The following RARB variants were observed in gnomAD, a reference collection of about 807,000 sequenced individuals.
RARB encodes the protein HBV-activated protein.
A neutral mutation model predicts 51.9 loss-of-function variants in RARB; 17 were observed. The ratio of observed to expected loss-of-function variants is 0.33; its 90% CI spans 0.22 to 0.49. The LOEUF (loss-of-function observed/expected upper bound fraction) is 0.49, where lower values mean the gene tolerates loss of function less well. Ranked by LOEUF, RARB falls within the 20% of genes least tolerant of loss-of-function variation. RARB has a pLI of 0.99. For synonymous variants in RARB, 215 were observed against 195.4 expected (o/e 1.10, Z -0.84); for missense variants, 369 against 550.8 (o/e 0.67, Z 3.30).
chr3:25,397,385 G>A (rs1216411775), intron 5 of RARB, among the ~76,000 whole-genome samples: 2 of 152,074 alleles, frequency 1.3e-5, no homozygotes, highest in South Asian at 2.1e-4. Flanking sequence ...AGAGTTTTTC[G>A]GCTGTCCCAC....
At chr3:25,056,414 A>G (rs549692221) in intron 2 of RARB, among the ~76,000 whole-genome samples, 1 of 152,292 alleles carries the variant, frequency 6.6e-6, no homozygotes, top group South Asian at 2.1e-4. Flanking sequence ...CCAGTAGCCT[A>G]TCAGTTTGCA....
chr3:25,330,862 A>C (rs927668217), intron 5 of RARB, among the ~76,000 whole-genome samples: 2 of 152,220 alleles, frequency 1.3e-5, no homozygotes, highest in Non-Finnish European at 2.9e-5. Context: ...CAAAAAAAGC[A>C]GGGGTTGTAA....
In RARB at chr3:25,214,589, G is replaced by C. The variant is rs1378434866; in HGVS notation, c.178+40014G>C. Among the ~76,000 whole-genome samples, 7 of 152,154 alleles carry C rather than the reference G, an allele frequency of 4.6e-5. No individual in the cohort carries two copies. The South Asian group carries it at 1.4e-3, about 31-fold the overall frequency. ...GGACTGCAGAAGAAATTTTCCTACT[G>C]TAAGAATCCTCAATATTTTAACAGG... On this transcript the variant is annotated intron_variant, in intron 5 of 11. Coordinates refer to the RARB transcript ENST00000383772.
chr3:25,263,174 C>G (rs1028400966), intron 5 of RARB, among the ~76,000 whole-genome samples: 3 of 152,242 alleles, frequency 2.0e-5, no homozygotes, highest in East Asian at 3.9e-4. Context: ...TTGCACTGGT[C>G]TGCTTGCTCT....
At chr3:25,462,780 TG>T (rs1457049976) in intron 2 of RARB, among the ~76,000 whole-genome samples, 4 of 152,206 alleles carry the variant, frequency 2.6e-5, no homozygotes, top group Non-Finnish European at 4.4e-5. Flanking sequence ...GACTGTGGGC[TG>T]GGGAGACTCA....
At chr3:25,171,637 G>A (rs1421066003) in intron 4 of RARB, among the ~76,000 whole-genome samples, 19 of 1,908 alleles carry the variant, frequency 1.0e-2, no homozygotes, top group Non-Finnish European at 0.021. Flanking sequence ...ACCAGTCCCT[G>A]GTTGGTAAAA....
At chr3:24,896,769 G>C (rs1213210382) in intron 2 of RARB, among the ~76,000 whole-genome samples, 2 of 152,174 alleles carry the variant, frequency 1.3e-5, no homozygotes, top group Non-Finnish European at 2.9e-5. Context: ...ATAGGCTAGA[G>C]AGTTGTGTTT....
chr3:25,194,232 G>A (rs1464156635), intron 5 of RARB, among the ~76,000 whole-genome samples: 1 of 81,342 alleles, frequency 1.2e-5, no homozygotes, highest in East Asian at 3.6e-4. Flanking sequence ...TAGAATGGTG[G>A]TTACCAGGGT....
intron 2 of RARB, among the ~76,000 whole-genome samples, chr3:24,884,044 A>G (rs141859101): frequency 9.1e-4 from 138 of 152,252 alleles, no homozygotes; most frequent in African/African-American, 2.8e-3. Context: ...CCTGACACCA[A>G]CGATTTTGTT....
At position 25,593,499 on chromosome 3, in the gene RARB, C is replaced by T; in HGVS notation, c.787-4C>T. The T allele has an allele frequency of 1.9e-6, 3 of 1,604,138 alleles. No homozygotes were observed. Among genetic ancestry groups the T allele is most frequent in the Admixed American group, 1.7e-5 (1 of 57,306 alleles). On this transcript the variant is annotated splice_polypyrimidine_tract_variant and splice_region_variant and intron_variant, in intron 5 of 7. Transcript: ENST00000330688. ...AACATCCATCAATTTTTTTTTCCTT[C>T]CAGATTCTTAGAATTTGCACCAGGT...
At chr3:25,392,114 G>C (rs932160807) in intron 5 of RARB, among the ~76,000 whole-genome samples, 2 of 152,096 alleles carry the variant, frequency 1.3e-5, no homozygotes, top group Admixed American at 6.5e-5. Context: ...CATGTGGCTT[G>C]CCAATTTTCT....
intron 3 of RARB, among the ~76,000 whole-genome samples, chr3:25,511,548 G>C (rs765681456): frequency 4.6e-5 from 7 of 152,136 alleles, no homozygotes; most frequent in Non-Finnish European, 8.8e-5. Flanking sequence ...AATCAATTGA[G>C]ACAGAAATCG....
At chr3:25,261,750 C>G (rs1432350993) in intron 5 of RARB, among the ~76,000 whole-genome samples, 2 of 152,118 alleles carry the variant, frequency 1.3e-5, no homozygotes, top group Non-Finnish European at 2.9e-5. Flanking sequence ...TCCCTGGTCA[C>G]CTACTCTAGA....
At chr3:25,368,060 T>C (rs1559374359) in intron 5 of RARB, among the ~76,000 whole-genome samples, 1 of 152,208 alleles carries the variant, frequency 6.6e-6, no homozygotes, top group Non-Finnish European at 1.5e-5. Context: ...TAAAAGACTT[T>C]CCTTTATTCT....
chr3:24,928,688 C>T (rs1695376064), intron 2 of RARB, among the ~76,000 whole-genome samples: 1 of 151,920 alleles, frequency 6.6e-6, no homozygotes, highest in South Asian at 2.1e-4. Flanking sequence ...GAAGTAAGGC[C>T]TGTATATCCC....
chr3:25,246,033 C>T (rs1382509609), intron 5 of RARB, among the ~76,000 whole-genome samples: 1 of 151,964 alleles, frequency 6.6e-6, no homozygotes, highest in Non-Finnish European at 1.5e-5. Flanking sequence ...ATTCTTTTTT[C>T]TCTAATCTTG....
chr3:25,084,749 T>TA (rs1296569401), intron 3 of RARB, among the ~76,000 whole-genome samples: 2 of 151,678 alleles, frequency 1.3e-5, no homozygotes, highest in African/African-American at 4.8e-5. Flanking sequence ...GGGTTTTTTT[T>TA]AATGTTTGTT....
At chr3:24,899,532 C>A (rs1703552699) in intron 2 of RARB, among the ~76,000 whole-genome samples, 1 of 152,170 alleles carries the variant, frequency 6.6e-6, no homozygotes, top group African/African-American at 2.4e-5. Flanking sequence ...CTCTCTCCCT[C>A]AATGGGGACA....
chr3:25,453,896 G>A (rs553429603), intron 1 of RARB, among the ~76,000 whole-genome samples: 103 of 152,268 alleles, frequency 6.8e-4, no homozygotes, highest in African/African-American at 2.4e-3. Context: ...TAATCTTGGA[G>A]CTGCTTAATA....
Sources: allele counts gnomAD v4.1 joint callset (sites outside exome capture counted in the v4.1 genomes callset), GRCh38; gene constraint gnomAD v4.1.1; transcripts MANE v1.5; gene names NCBI Gene and HGNC (gene_info 2026-07-23, HGNC 2026-07-21).